NMT2: variants seen among roughly 807,000 people sequenced by gnomAD.
NMT2 encodes the protein N-myristoyltransferase 2.
NMT2 carries 35 observed loss-of-function variants against 65.4 expected under a neutral mutation model. That is an observed-to-expected ratio of 0.54 (90% CI 0.41 to 0.71). The LOEUF is 0.71. Among genes scored for constraint, NMT2 ranks in the 30% least tolerant of loss-of-function variants. NMT2 has a pLI of 0.00. For missense variants in NMT2, 489 were observed against 611.3 expected (o/e 0.80, Z 2.11); for synonymous variants, 226 against 231.8 (o/e 0.98, Z 0.23).
At chr10:15,152,019 C>CT (rs1832823165) in intron 1 of NMT2, among the ~76,000 whole-genome samples, 1 of 152,226 alleles carries the variant, frequency 6.6e-6, no homozygotes, top group Non-Finnish European at 1.5e-5. Flanking sequence ...GAGTAAAACT[C>CT]TGTCTCAAAA....
At chr10:15,158,599 A>T (rs1833082803) in intron 1 of NMT2, among the ~76,000 whole-genome samples, 1 of 152,238 alleles carries the variant, frequency 6.6e-6, no homozygotes, top group Non-Finnish European at 1.5e-5. Context: ...TATTGCAAGG[A>T]TTGGAGACTG....
rs1303183087 is a variant in NMT2, at chr10:15,139,872, T to C, written c.246+1550A>G. ...AGAATGGTAACAACTACTATATATA[T>C]ATATATATATATATATATATATATA... On this transcript the variant is annotated intron_variant, in intron 2 of 11. Coordinates refer to ENST00000378165, the MANE Select transcript of NMT2 (RefSeq NM_004808.3). 320 of 54,692 alleles carry C rather than the reference T, an allele frequency of 5.9e-3. 11 individuals carry two copies. The highest frequency in any genetic ancestry group is 0.058 in the African/African-American group (308 of 5,326). 3.4% of individuals were successfully genotyped at this position (54,692 alleles called of 1,614,324 possible).
chr10:15,132,838 G>T lies in NMT2; in HGVS notation c.698C>A (p.Ala233Glu). The T allele has an allele frequency of 6.2e-7, 1 of 1,612,124 alleles. No individual in the cohort carries two copies. Among genetic ancestry groups the T allele is most frequent in the Non-Finnish European group, 8.5e-7 (1 of 1,178,610 alleles). Residue 233 changes from alanine (A) to glutamate (E), a missense_variant, in exon 6 of 12, where the codon GCA (alanine) becomes GAA (glutamate). Physicochemically the swap from Ala to Glu is moderately radical, Grantham distance 107. Coordinates refer to ENST00000378165, the MANE Select transcript of NMT2 (RefSeq NM_004808.3). ...KLVGFISAIP[A>E]NIRIYDSVKK... Reference sequence around the variant, plus strand: ...GTACCTGTCATAAATCCGAATGTTTGCTGGGATGGCACTTATGAACCCGAC... The same window carrying T: ...GTACCTGTCATAAATCCGAATGTTTTCTGGGATGGCACTTATGAACCCGAC...
intron 1 of NMT2, among the ~76,000 whole-genome samples, chr10:15,149,562 A>ATCACCAC (rs1832728954): frequency 3.0e-5 from 1 of 33,154 alleles, no homozygotes. Flanking sequence ...ATCATCACCA[A>ATCACCAC]CATCATCACC....
chr10:15,135,330 T>C lies in NMT2; in HGVS notation c.335A>G (p.Asp112Gly). The C allele has an allele frequency of 1.2e-6, 2 of 1,614,188 alleles. No individual in the cohort carries two copies. The highest frequency in any genetic ancestry group is 1.7e-6 in the Non-Finnish European group (2 of 1,180,036). Residue 112 changes from aspartate (D) to glycine (G), a missense_variant, in exon 3 of 12, where the codon GAT becomes GGT. Physicochemically the swap from Asp to Gly is moderately conservative, Grantham distance 94. Coordinates refer to ENST00000378165, the MANE Select transcript of NMT2 (RefSeq NM_004808.3). Reference sequence around the variant, plus strand: ...CTGGTATCTGTGCTTTGCAGCCTCATCAATGTTCCTGGCTGGGCCCTGGCA... The same window carrying C: ...CTGGTATCTGTGCTTTGCAGCCTCACCAATGTTCCTGGCTGGGCCCTGGCA... Reference protein sequence around the residue: ...SACQGPARNIDEAAKHRYQFW... With the variant: ...SACQGPARNIGEAAKHRYQFW...
At chr10:15,127,936 G>A (rs1285205033) in intron 8 of NMT2, among the ~76,000 whole-genome samples, 1 of 151,864 alleles carries the variant, frequency 6.6e-6, no homozygotes, top group African/African-American at 2.4e-5. Flanking sequence ...CATTGAGAAC[G>A]AGATAGTTTA....
At chr10:15,117,981 C>A (rs902026077) in intron 9 of NMT2, among the ~76,000 whole-genome samples, 1 of 152,142 alleles carries the variant, frequency 6.6e-6, no homozygotes, top group African/African-American at 2.4e-5. Flanking sequence ...TATCAAACTA[C>A]CAGCAAGGTA....
intron 1 of NMT2, among the ~76,000 whole-genome samples, chr10:15,167,841 G>A (rs935902665): frequency 6.6e-6 from 1 of 152,218 alleles, no homozygotes; most frequent in African/African-American, 2.4e-5. Flanking sequence ...AGGTCAGCGG[G>A]AGCCCGGTTC....
intron 1 of NMT2, among the ~76,000 whole-genome samples, chr10:15,162,177 A>G (rs1466718943): frequency 6.6e-6 from 1 of 150,710 alleles, no homozygotes; most frequent in East Asian, 2.0e-4. Context: ...ACTTGAGTCC[A>G]GGAGGTCAAG....
In NMT2 at chr10:15,141,425, C is replaced by G. The variant is rs771840633; in HGVS notation, c.243G>C (p.Ser81=). Residue 81 remains serine, a synonymous_variant, in exon 2 of 12, where the codon TCG becomes TCC. Transcript: ENST00000378165. ...DSQEIKIQQP[S]KNPSVPMQKL... ...AAAAATAAAACAGAGCTCTCACTTT[C>G]GAAGGCTGCTGAATTTTAATCTCCT... The G allele has an allele frequency of 5.4e-5, 87 of 1,614,028 alleles. No homozygotes were observed. In the South Asian group the frequency reaches 7.4e-4, roughly 14 times the overall value.
At chr10:15,132,627 C>T (rs1846323865) in intron 6 of NMT2, among the ~76,000 whole-genome samples, 190 bp downstream of exon 6, 1 of 152,040 alleles carries the variant, frequency 6.6e-6, no homozygotes, top group Admixed American at 6.6e-5. Flanking sequence ...GGGTTTCACC[C>T]ATGTTGACCA....
chr10:15,156,250 G>A (rs117979122), intron 1 of NMT2, among the ~76,000 whole-genome samples: 1 of 152,058 alleles, frequency 6.6e-6, no homozygotes, highest in Non-Finnish European at 1.5e-5. Flanking sequence ...TCATGACAGG[G>A]AATGAGTTCT....
intron 1 of NMT2, among the ~76,000 whole-genome samples, chr10:15,146,878 A>G (rs2131591590): frequency 6.6e-6 from 1 of 152,076 alleles, no homozygotes; most frequent in Admixed American, 6.5e-5. Context: ...GGATTGCTTG[A>G]TCCCAGGAGT....
At chr10:15,146,095 C>A (rs1053961985) in intron 1 of NMT2, among the ~76,000 whole-genome samples, 1 of 152,188 alleles carries the variant, frequency 6.6e-6, no homozygotes, top group African/African-American at 2.4e-5. Flanking sequence ...TTCAAGAACT[C>A]AAGTCCCACC....
chr10:15,161,505 G>A (rs905513888), intron 1 of NMT2, among the ~76,000 whole-genome samples: 2 of 151,932 alleles, frequency 1.3e-5, no homozygotes, highest in African/African-American at 4.8e-5. Context: ...ACATACGCCC[G>A]CCACCACACC....
chr10:15,149,213 CCAT>C (rs1277118638), intron 1 of NMT2, among the ~76,000 whole-genome samples: 13 of 150,408 alleles, frequency 8.6e-5, no homozygotes, highest in East Asian at 7.9e-4. Flanking sequence ...ACCATCATCA[CCAT>C]CATATCATTA....
chr10:15,149,174 TCAC>T (rs1452982848), intron 1 of NMT2, among the ~76,000 whole-genome samples: 1 of 148,458 alleles, frequency 6.7e-6, no homozygotes, highest in South Asian at 2.2e-4. Flanking sequence ...ACTGCCGCCA[TCAC>T]CACCACCACT....
Position 15,108,190 on chromosome 10 carries a change from T to C in NMT2, c.*1005A>G, listed in dbSNP as rs1176378362. On this transcript the variant is annotated 3_prime_UTR_variant, in exon 12 of 12. Transcript: ENST00000378165. ...TTAGTCGCGGGTACAGGCTCTTTCT[T>C]TTTTTTTTTTTTTGAGACGGAGTCT... The C allele has an allele frequency of 3.4e-6, 2 of 594,824 alleles. No individual in the cohort carries two copies. Among genetic ancestry groups the C allele is most frequent in the Admixed American group, 6.5e-5 (1 of 15,364 alleles). 36.8% of individuals were successfully genotyped at this position (594,824 alleles called of 1,614,324 possible).
At chr10:15,116,398 A>G (rs1008660367) in intron 9 of NMT2, among the ~76,000 whole-genome samples, 1 of 152,348 alleles carries the variant, frequency 6.6e-6, no homozygotes, top group African/African-American at 2.4e-5. Context: ...AAGATACAAC[A>G]TACCAAAATA....
Sources: gnomAD v4.1 joint callset for allele counts (sites outside exome capture counted in the v4.1 genomes callset) on GRCh38, gnomAD v4.1.1 for gene constraint, MANE v1.5 for transcripts, NCBI Gene and HGNC (gene_info 2026-07-23, HGNC 2026-07-21) for gene names.